The following PPARGC1A variants were observed in gnomAD, a reference collection of about 807,000 sequenced individuals.
PPARGC1A encodes peroxisome proliferator-activated receptor gamma coactivator 1-alpha.
A neutral mutation model predicts 88.7 loss-of-function variants in PPARGC1A; 25 were observed. The ratio of observed to expected loss-of-function variants is 0.28; its 90% confidence interval spans 0.21 to 0.39. The LOEUF (loss-of-function observed/expected upper bound fraction) is 0.39, where lower values mean the gene tolerates loss of function less well. Ranked by LOEUF, PPARGC1A falls within the 10% of genes least tolerant of loss-of-function variation. The pLI, the probability that PPARGC1A is intolerant of heterozygous loss-of-function variation, is 1.00. For missense variants in PPARGC1A, 880 were observed against 968.7 expected (o/e 0.91, Z 1.22); for synonymous variants, 363 against 355.6 (o/e 1.02, Z -0.24).
chr4:23,821,375 T>C (rs1477363346), intron 7 of PPARGC1A, among the ~76,000 whole-genome samples: 1 of 152,124 alleles, frequency 6.6e-6, no homozygotes, highest in Non-Finnish European at 1.5e-5. Context: ...GAAGTAGCTG[T>C]TGCTGAGAGA....
At chr4:24,263,270 T>C in the PPARGC1A span, among the ~76,000 whole-genome samples, 1 of 152,216 alleles carries the variant, frequency 6.6e-6, no homozygotes, top group East Asian at 1.9e-4. Context: ...AAATAAACAC[T>C]ATCGATATGT....
At chr4:24,399,528 A>G in the PPARGC1A span, among the ~76,000 whole-genome samples, 1 of 152,190 alleles carries the variant, frequency 6.6e-6, no homozygotes, top group Non-Finnish European at 1.5e-5. Flanking sequence ...CTGGGACTGA[A>G]GTTAACTAAT....
chr4:23,943,264 C>T, the PPARGC1A span, among the ~76,000 whole-genome samples: 1 of 152,138 alleles, frequency 6.6e-6, no homozygotes, highest in Non-Finnish European at 1.5e-5. Flanking sequence ...CTTATTGAAT[C>T]TTTACTTATT....
chr4:24,116,861 C>A, the PPARGC1A span, among the ~76,000 whole-genome samples: 2 of 152,152 alleles, frequency 1.3e-5, no homozygotes, highest in African/African-American at 4.8e-5. Context: ...GCTCGTCGTA[C>A]ATTAAAAGAT....
the PPARGC1A span, among the ~76,000 whole-genome samples, chr4:24,312,364 C>T: frequency 6.7e-6 from 1 of 149,442 alleles, no homozygotes; most frequent in African/African-American, 2.5e-5. Flanking sequence ...CCCAAATTAA[C>T]TCAACATATT....
At chr4:23,962,440 C>T in the PPARGC1A span, among the ~76,000 whole-genome samples, 1 of 152,110 alleles carries the variant, frequency 6.6e-6, no homozygotes, top group Non-Finnish European at 1.5e-5. Context: ...CACCACTTGC[C>T]TTTCCTCTGC....
chr4:24,033,423 A>ACACACACACACACACACG, the PPARGC1A span, among the ~76,000 whole-genome samples: 4 of 151,966 alleles, frequency 2.6e-5, no homozygotes, highest in African/African-American at 9.7e-5. Context: ...ACACACACAC[A>ACACACACACACACACACG]CACACACACG....
the PPARGC1A span, among the ~76,000 whole-genome samples, chr4:24,096,781 G>A: frequency 6.6e-6 from 1 of 152,134 alleles, no homozygotes; most frequent in Non-Finnish European, 1.5e-5. Flanking sequence ...CTCCAGATAA[G>A]CAGCATATTA....
At chr4:23,936,699 C>G in the PPARGC1A span, among the ~76,000 whole-genome samples, 39 of 152,186 alleles carry the variant, frequency 2.6e-4, no homozygotes, top group Admixed American at 7.2e-4. Flanking sequence ...TGGGAAAACC[C>G]GTCTCTACTA....
the PPARGC1A span, among the ~76,000 whole-genome samples, chr4:24,396,085 C>T: frequency 6.6e-6 from 1 of 151,982 alleles, no homozygotes; most frequent in South Asian, 2.1e-4. Context: ...TTACTGATCC[C>T]ACATCTCCTG....
the PPARGC1A span, among the ~76,000 whole-genome samples, chr4:24,305,511 G>A: frequency 5.9e-5 from 9 of 152,232 alleles, 1 homozygote; most frequent in East Asian, 3.9e-4. Context: ...ATCTGCTACC[G>A]CTTAAAAGAT....
chr4:23,977,137 C>T, the PPARGC1A span, among the ~76,000 whole-genome samples: 2 of 152,040 alleles, frequency 1.3e-5, no homozygotes, highest in African/African-American at 4.8e-5. Context: ...GAGGAATGCT[C>T]CTTGGTATCT....
chr4:24,143,635 TGATAGATGATA>T, the PPARGC1A span, among the ~76,000 whole-genome samples: 1 of 150,960 alleles, frequency 6.6e-6, no homozygotes, highest in African/African-American at 2.5e-5. Flanking sequence ...GATAGATAGA[TGATAGATGATA>T]GATAGACAAA....
chr4:24,057,966 G>C, the PPARGC1A span, among the ~76,000 whole-genome samples: 1 of 152,164 alleles, frequency 6.6e-6, no homozygotes, highest in African/African-American at 2.4e-5. Context: ...TCATGCATGG[G>C]AGAGAGAGAG....
chr4:24,268,565 A>C, the PPARGC1A span, among the ~76,000 whole-genome samples: 1 of 152,200 alleles, frequency 6.6e-6, no homozygotes, highest in African/African-American at 2.4e-5. Flanking sequence ...AATTTGTTTA[A>C]AGCGTTTCTA....
intron 2 of PPARGC1A, among the ~76,000 whole-genome samples, chr4:23,875,045 T>C (rs57361044): frequency 5.8e-4 from 88 of 152,352 alleles, no homozygotes; most frequent in African/African-American, 2.1e-3. Context: ...TATGCAAGGG[T>C]ACAAACCTTG....
At chr4:24,248,986 T>C in the PPARGC1A span, among the ~76,000 whole-genome samples, 1 of 152,208 alleles carries the variant, frequency 6.6e-6, no homozygotes, top group Non-Finnish European at 1.5e-5. Context: ...TCAAACGTTA[T>C]TGATACAGAT....
the PPARGC1A span, among the ~76,000 whole-genome samples, chr4:24,171,438 TACA>T: frequency 1.2e-4 from 19 of 152,222 alleles, 1 homozygote; most frequent in Non-Finnish European, 1.9e-4. Flanking sequence ...CATCTTCATC[TACA>T]ACACTCTATC....
the PPARGC1A span, among the ~76,000 whole-genome samples, chr4:24,102,902 G>C: frequency 6.6e-6 from 1 of 152,144 alleles, no homozygotes; most frequent in South Asian, 2.1e-4. Flanking sequence ...CTGCGAATCA[G>C]GAGTGTGAAC....
Sources: allele counts gnomAD v4.1 joint callset (sites outside exome capture counted in the v4.1 genomes callset), GRCh38; gene constraint gnomAD v4.1.1; transcripts MANE v1.5; gene names NCBI Gene and HGNC (gene_info 2026-07-23, HGNC 2026-07-21).